CEP85L: variants seen among roughly 807,000 people sequenced by gnomAD.
CEP85L encodes the protein centrosomal protein 85L.
In CEP85L, 60 loss-of-function variants were observed where a neutral mutation model predicts 100.3. The observed-to-expected ratio is 0.60, with a 90% CI of 0.49 to 0.74. CEP85L has a LOEUF of 0.74. Ranked by LOEUF, CEP85L falls within the 30% of genes least tolerant of loss-of-function variation. CEP85L has a pLI of 0.00. For missense variants in CEP85L, 973 were observed against 936.2 expected (o/e 1.04, Z -0.51); for synonymous variants, 319 against 322.7 (o/e 0.99, Z 0.12).
intron 3 of CEP85L, among the ~76,000 whole-genome samples, chr6:118,536,601 A>T (rs919480723): frequency 1.3e-5 from 2 of 152,224 alleles, no homozygotes; most frequent in Non-Finnish European, 2.9e-5. Flanking sequence ...TATAGATGAC[A>T]GAATGCACTG....
intron 2 of CEP85L, among the ~76,000 whole-genome samples, chr6:118,614,052 G>A (rs151030556): frequency 0.012 from 1,881 of 152,134 alleles, 16 homozygotes; most frequent in Non-Finnish European, 0.02. Context: ...GCTTATTCCA[G>A]GGATAAAAAG....
Position 118,462,884 on chromosome 6 carries a change from T to A in CEP85L, c.*2521A>T, listed in dbSNP as rs553647922. 4.6e-5 allele frequency: 7 copies of A among 152,040 alleles called. No individual in the cohort carries two copies. In the South Asian group the frequency reaches 1.4e-3, roughly 31 times the overall value. The allele number at this position is 152,040 out of a possible 1,614,324, so 9.4% of individuals were successfully genotyped here. A position where few individuals can be genotyped will look rare whatever the true frequency, so the allele number is the denominator to read the frequency against. On this transcript the variant is annotated 3_prime_UTR_variant, in exon 13 of 13. Coordinates refer to ENST00000368491, the MANE Select transcript of CEP85L (RefSeq NM_001042475.3). ...GACAAACTAGATAGAATACTATTAG[T>A]TTCAATTCCCCCACAAAATCCCTCC...
At chr6:118,536,494 A>G (rs1777600079) in intron 3 of CEP85L, among the ~76,000 whole-genome samples, 1 of 152,182 alleles carries the variant, frequency 6.6e-6, no homozygotes, top group African/African-American at 2.4e-5. Flanking sequence ...TACAGGAAAT[A>G]CTTATACTTT....
At chr6:118,537,121 T>A (rs1304039555) in intron 3 of CEP85L, among the ~76,000 whole-genome samples, 1 of 152,172 alleles carries the variant, frequency 6.6e-6, no homozygotes, top group Non-Finnish European at 1.5e-5. Flanking sequence ...CTACTTAGAA[T>A]TTCAAAGTAA....
chr6:118,666,346 C>T (rs986535436), intron 1 of CEP85L, among the ~76,000 whole-genome samples: 3 of 152,094 alleles, frequency 2.0e-5, no homozygotes, highest in Non-Finnish European at 2.9e-5. Context: ...AGCATTTACA[C>T]AAGATGAAAA....
intron 6 of CEP85L, among the ~76,000 whole-genome samples, chr6:118,490,212 T>C (rs1027419146): frequency 6.6e-6 from 1 of 152,136 alleles, no homozygotes; most frequent in Non-Finnish European, 1.5e-5. Context: ...TGGGAGTTAC[T>C]CTTCGATGCA....
intron 2 of CEP85L, among the ~76,000 whole-genome samples, chr6:118,591,601 T>C (rs899967084): frequency 1.3e-5 from 2 of 152,084 alleles, no homozygotes; most frequent in Non-Finnish European, 2.9e-5. Context: ...ACTACTTCAT[T>C]TACATAGGGT....
At chr6:118,637,703 C>CAAAA (rs11388747) in intron 1 of CEP85L, among the ~76,000 whole-genome samples, 1,336 of 45,346 alleles carry the variant, frequency 0.029, 163 homozygotes, top group African/African-American at 0.059. Flanking sequence ...AAGACTGTCT[C>CAAAA]AAAAAAAAAA....
chr6:118,555,343 G>C (rs956202165), intron 3 of CEP85L, among the ~76,000 whole-genome samples: 8 of 151,328 alleles, frequency 5.3e-5, no homozygotes, highest in Non-Finnish European at 1.0e-4. Context: ...CAGGAGAATG[G>C]CGTGAACCCG....
chr6:118,526,796 G>A (rs972492118), intron 3 of CEP85L, among the ~76,000 whole-genome samples: 1 of 152,096 alleles, frequency 6.6e-6, no homozygotes, highest in African/African-American at 2.4e-5. Context: ...GTTTACAAAG[G>A]CCATGGCAAA....
At chr6:118,579,075 T>C (rs990707050) in intron 2 of CEP85L, among the ~76,000 whole-genome samples, 1 of 152,162 alleles carries the variant, frequency 6.6e-6, no homozygotes, top group Non-Finnish European at 1.5e-5. Context: ...TTTGTATTTA[T>C]TGTAGAGACA....
intron 2 of CEP85L, among the ~76,000 whole-genome samples, chr6:118,585,154 G>A (rs1780785747): frequency 1.3e-5 from 2 of 152,162 alleles, no homozygotes; most frequent in African/African-American, 4.8e-5. Flanking sequence ...AGGCACAAGC[G>A]CTCAATTAGC....
chr6:118,675,077 T>C (rs1776438325), intron 1 of CEP85L, among the ~76,000 whole-genome samples: 1 of 152,072 alleles, frequency 6.6e-6, no homozygotes, highest in Non-Finnish European at 1.5e-5. Context: ...AACTCATAAA[T>C]GGATAAACAA....
intron 2 of CEP85L, among the ~76,000 whole-genome samples, chr6:118,631,605 C>T (rs1774158411): frequency 1.3e-5 from 2 of 152,192 alleles, no homozygotes; most frequent in South Asian, 4.2e-4. Context: ...AAAGTGTATT[C>T]TCTCCAATAC....
At chr6:118,674,321 C>T (rs539364436) in intron 1 of CEP85L, among the ~76,000 whole-genome samples, 19 of 152,090 alleles carry the variant, frequency 1.2e-4, no homozygotes, top group East Asian at 1.2e-3. Flanking sequence ...ATCAGGAGTT[C>T]GAGACCAGCC....
At chr6:118,689,177 T>C (rs545490258) in intron 1 of CEP85L, among the ~76,000 whole-genome samples, 2 of 152,192 alleles carry the variant, frequency 1.3e-5, no homozygotes, top group Non-Finnish European at 2.9e-5. Flanking sequence ...TCTCAACCTC[T>C]GCTTTCAGGG....
chr6:118,697,952 G>A (rs1777269478), intron 1 of CEP85L, among the ~76,000 whole-genome samples: 1 of 152,124 alleles, frequency 6.6e-6, no homozygotes, highest in African/African-American at 2.4e-5. Context: ...GAACCCTGAC[G>A]TTCCTGCTGC....
upstream of CEP85L, chr6:118,652,565 C>A: frequency 1.3e-5 from 18 of 1,437,618 alleles, no homozygotes; most frequent in Non-Finnish European, 1.6e-5. Context: ...CTTTGAGTTC[C>A]GCTTTTCCTG....
chr6:118,567,029 T>C (rs1196803149), intron 2 of CEP85L, among the ~76,000 whole-genome samples: 2 of 152,002 alleles, frequency 1.3e-5, no homozygotes, highest in Non-Finnish European at 1.5e-5. Flanking sequence ...GTGTCTTTCC[T>C]GAACTGTGAA....
Sources: gnomAD v4.1 joint callset for allele counts (sites outside exome capture counted in the v4.1 genomes callset) on GRCh38, gnomAD v4.1.1 for gene constraint, MANE v1.5 for transcripts, NCBI Gene and HGNC (gene_info 2026-07-23, HGNC 2026-07-21) for gene names.